Variants in MYLK3 observed in about 807,000 individuals in gnomAD.
MYLK3 encodes myosin light chain kinase 3.
In MYLK3, 55 loss-of-function variants were observed where a neutral mutation model predicts 76.3. That is an observed-to-expected ratio of 0.72 (90% CI 0.58 to 0.90). The LOEUF is 0.90. Ranked by LOEUF, MYLK3 falls within the 40% of genes least tolerant of loss-of-function variation. The pLI is 0.00. For missense variants in MYLK3, 973 were observed against 1,053.6 expected, an observed-to-expected ratio of 0.92 and a Z score of 1.06; for synonymous variants, 416 against 425.4, an observed-to-expected ratio of 0.98 and a Z score of 0.27.
intron 1 of MYLK3, among the ~76,000 whole-genome samples, chr16:46,758,305 CTCTCTCT>C (rs1967230247): frequency 1.3e-4 from 1 of 7,480 alleles, no homozygotes; most frequent in Non-Finnish European, 2.7e-4. Flanking sequence ...CACACACACA[CTCTCTCT>C]CTCTCTCTCT....
intron 9 of MYLK3, among the ~76,000 whole-genome samples, chr16:46,720,267 G>A (rs1966786089): frequency 1.3e-5 from 2 of 152,266 alleles, no homozygotes; most frequent in African/African-American, 4.8e-5. Flanking sequence ...AGACTGGAGT[G>A]TAATAGTGTG....
chr16:46,733,838 A>G (rs1966857843), intron 3 of MYLK3, among the ~76,000 whole-genome samples: 1 of 152,214 alleles, frequency 6.6e-6, no homozygotes, highest in South Asian at 2.1e-4. Flanking sequence ...TAGCTCTGCC[A>G]GCAGGTTGCT....
intron 1 of MYLK3, among the ~76,000 whole-genome samples, chr16:46,753,665 C>G (rs1967158795): frequency 6.6e-6 from 1 of 152,200 alleles, no homozygotes; most frequent in South Asian, 2.1e-4. Context: ...AAACCTAGCA[C>G]TTTGGGAGGC....
At chr16:46,749,576 G>T (rs528892082), upstream of MYLK3, among the ~76,000 whole-genome samples, 1 of 152,294 alleles carries the variant, frequency 6.6e-6, no homozygotes, top group African/African-American at 2.4e-5. Flanking sequence ...GGGCAACATG[G>T]CGAGACCTGG....
At position 46,704,045 on chromosome 16, in the gene MYLK3, T is replaced by G. The variant is rs1966602169; in HGVS notation, c.*3659A>C. 1 of 152,604 alleles carries G rather than the reference T, an allele frequency of 6.6e-6. No homozygotes were observed. The highest frequency in any genetic ancestry group is 2.4e-5 in the African/African-American group (1 of 41,472). 9.5% of individuals were successfully genotyped at this position (152,604 alleles called of 1,614,324 possible). A position where few individuals can be genotyped will look rare whatever the true frequency, so the allele number is the denominator to read the frequency against. On this transcript the variant is annotated 3_prime_UTR_variant, in exon 13 of 13. Coordinates refer to ENST00000394809, the MANE Select transcript of MYLK3 (RefSeq NM_182493.3). ...AGTTTTAAGAAATCTAAATACAGAT[T>G]AAGTACGTCTGATGAAAACCTAGCA...
Position 46,729,129 on chromosome 16 carries a change from T to C in MYLK3, c.1667A>G (p.Asp556Gly). The C allele has an allele frequency of 6.2e-7, 1 of 1,613,584 alleles. No individual in the cohort carries two copies. Among genetic ancestry groups the C allele is most frequent in the Non-Finnish European group, 8.5e-7 (1 of 1,179,618 alleles). ...CATGATGTTGATCTCGTTCTTCACG[T>C]CCTCCTTGGGGGAACCAGAGGACAG... ...IKVKSAKDREDVKNEINIMNQ... is the reference protein window; with the variant it reads ...IKVKSAKDREGVKNEINIMNQ... The change falls in exon 7 of 13, where the codon GAC becomes GGC. Residue 556 changes from aspartate to glycine, a missense_variant. Transcript: ENST00000394809.
In MYLK3 at chr16:46,705,665, AAAGTATC is replaced by A. The variant is rs1966616951; in HGVS notation, c.*2032_*2038del. ...TCCTTTAACCATTTTACAAGTTGGT[AAAGTATC>A]TAAATATACATGTATACAAGTTCGT... On this transcript the variant is annotated 3_prime_UTR_variant, in exon 13 of 13. Coordinates refer to ENST00000394809, the MANE Select transcript of MYLK3 (RefSeq NM_182493.3). 6.6e-6 allele frequency: 1 copy of A among 152,236 alleles called. No homozygotes were observed. The highest frequency in any genetic ancestry group is 1.5e-5 in the Non-Finnish European group (1 of 68,032). 9.4% of individuals were successfully genotyped at this position (152,236 alleles called of 1,614,324 possible). A position where few individuals can be genotyped will look rare whatever the true frequency, so the allele number is the denominator to read the frequency against.
At chr16:46,747,688 C>A in intron 1 of MYLK3, 29 bp downstream of exon 1, 1 of 1,592,928 alleles carries the variant, frequency 6.3e-7, no homozygotes, top group Non-Finnish European at 8.6e-7. Flanking sequence ...GGCCTCCCAT[C>A]CAGCCAGGGC....
chr16:46,727,233 C>A lies in MYLK3; in HGVS notation c.1914+3G>T, dbSNP rs1449923624. 2 of 1,613,394 alleles carry A rather than the reference C, an allele frequency of 1.2e-6. No homozygotes were observed. Among genetic ancestry groups the A allele is most frequent in the Non-Finnish European group, 1.7e-6 (2 of 1,179,428 alleles). ...CCTACCGCATGCCCAGGGCAGAACC[C>A]ACCTTGAGGTCCAGGTGCAGGATGT... On this transcript the variant is annotated splice_donor_region_variant and intron_variant, in intron 8 of 12. Coordinates refer to ENST00000394809, the MANE Select transcript of MYLK3 (RefSeq NM_182493.3).
chr16:46,710,921 AC>A, intron 10 of MYLK3, 132 bp from the exon 11 acceptor site: 1 of 973,516 alleles, frequency 1.0e-6, no homozygotes, highest in East Asian at 2.4e-5. Flanking sequence ...AAGCACCTCC[AC>A]TACTTCTCCA....
chr16:46,707,896 C>T (rs911747067), intron 12 of MYLK3, 133 bp from the exon 13 acceptor site: 4 of 532,354 alleles, frequency 7.5e-6, no homozygotes, highest in Non-Finnish European at 1.3e-5. Flanking sequence ...TAAAGGGAAA[C>T]AAGTTTCTAA....
intron 1 of MYLK3, among the ~76,000 whole-genome samples, chr16:46,740,677 G>A (rs910273991): frequency 1.3e-5 from 2 of 150,874 alleles, no homozygotes; most frequent in Non-Finnish European, 3.0e-5. Context: ...TCAGCCTCCC[G>A]AGTAGCTGGG....
At chr16:46,726,725 GAA>G (rs1354327463) in intron 8 of MYLK3, 1 of 132,736 alleles carries the variant, frequency 7.5e-6, no homozygotes, top group East Asian at 2.5e-4. Context: ...AAGAAAGAAA[GAA>G]AGAAAGAAAA....
At chr16:46,745,222 A>C (rs1175371597) in intron 1 of MYLK3, among the ~76,000 whole-genome samples, 1 of 152,212 alleles carries the variant, frequency 6.6e-6, no homozygotes, top group African/African-American at 2.4e-5. Context: ...ACTTGTGTTC[A>C]GTGACATACA....
At chr16:46,712,820 G>T in intron 9 of MYLK3, 44 bp from the exon 10 acceptor site, 1 of 1,497,016 alleles carries the variant, frequency 6.7e-7, no homozygotes, top group South Asian at 1.4e-5. Context: ...GGTGAGGCCT[G>T]GGAGATGTGG....
upstream of MYLK3, among the ~76,000 whole-genome samples, chr16:46,751,286 C>G (rs1007990449): frequency 3.3e-5 from 5 of 151,942 alleles, no homozygotes; most frequent in Non-Finnish European, 7.4e-5. Context: ...TGGTGAGCAC[C>G]TGTGATCCCA....
chr16:46,739,272 C>A (rs1226956731), intron 2 of MYLK3, among the ~76,000 whole-genome samples: 1 of 152,158 alleles, frequency 6.6e-6, no homozygotes, highest in African/African-American at 2.4e-5. Context: ...CAGGAATGGA[C>A]CATTGCACCT....
At chr16:46,721,349 G>C (rs1363334349) in intron 8 of MYLK3, among the ~76,000 whole-genome samples, 156 bp from the exon 9 acceptor site, 2 of 152,186 alleles carry the variant, frequency 1.3e-5, no homozygotes, top group African/African-American at 4.8e-5. Context: ...ATACATGAAG[G>C]GGCTGGTGAG....
Position 46,732,532 on chromosome 16 carries a change from G to T in MYLK3, c.1138C>A (p.Arg380Ser). ...PGKQGPPGTGRCLQAPGTEPG... is the reference protein window; with the variant it reads ...PGKQGPPGTGSCLQAPGTEPG... Reference sequence around the variant, plus strand: ...TCAGTCCCAGGGGCTTGGAGGCAGCGCCCGGTCCCAGGTGGGCCCTGCTTG... The same window carrying T: ...TCAGTCCCAGGGGCTTGGAGGCAGCTCCCGGTCCCAGGTGGGCCCTGCTTG... The change falls in exon 4 of 13, where the codon CGC (arginine) becomes AGC (serine). Residue 380 changes from arginine (R) to serine (S), a missense_variant. By Grantham distance (110) the Arg-to-Ser change is moderately radical (BLOSUM62 -1). Coordinates refer to ENST00000394809, the MANE Select transcript of MYLK3 (RefSeq NM_182493.3). 1.2e-6 allele frequency: 2 copies of T among 1,603,254 alleles called. No homozygotes were observed. The highest frequency in any genetic ancestry group is 2.2e-5 in the South Asian group (2 of 91,046).
Sources: gnomAD v4.1 joint callset for allele counts (sites outside exome capture counted in the v4.1 genomes callset) on GRCh38, gnomAD v4.1.1 for gene constraint, MANE v1.5 for transcripts, NCBI Gene and HGNC (gene_info 2026-07-23, HGNC 2026-07-21) for gene names.